MACF1: variants seen among roughly 807,000 people sequenced by gnomAD.
MACF1 encodes the protein microtubule-actin cross-linking factor 1.
A neutral mutation model predicts 854.8 loss-of-function variants in MACF1; 193 were observed. The ratio of observed to expected loss-of-function variants is 0.23; its 90% CI spans 0.20 to 0.25. MACF1 has a LOEUF of 0.25. MACF1 is among the 10% of genes least tolerant of loss of function. The pLI, the probability that MACF1 is intolerant of heterozygous loss-of-function variation, is 1.00. For missense variants in MACF1, 7,722 were observed against 8,929.1 expected (o/e 0.86, Z 5.45); for synonymous variants, 3,185 against 3,226.7 (o/e 0.99, Z 0.44).
intron 2 of MACF1, among the ~76,000 whole-genome samples, chr1:39,245,479 A>T (rs562659134): frequency 6.6e-6 from 1 of 152,206 alleles, no homozygotes; most frequent in South Asian, 2.1e-4. Flanking sequence ...GGGTTTTGTC[A>T]TGTTGGCCAG....
At chr1:39,397,477 G>T (rs761036258) in intron 58 of MACF1, among the ~76,000 whole-genome samples, 42 of 151,920 alleles carry the variant, frequency 2.8e-4, no homozygotes, top group Non-Finnish European at 4.6e-4. Context: ...CAGGAGAATT[G>T]CTTGAACCCG....
intron 2 of MACF1, among the ~76,000 whole-genome samples, chr1:39,240,297 G>A (rs548449965): frequency 6.6e-6 from 1 of 152,316 alleles, no homozygotes; most frequent in East Asian, 1.9e-4. Context: ...GCTAAGGAAA[G>A]GAGTGTTACC....
rs1329669368 is a variant in MACF1, at chr1:39,424,115, G to A, written c.16237G>A (p.Ala5413Thr). Residue 5413 changes from alanine to threonine, a missense_variant, in exon 61 of 101, where the codon GCT becomes ACT. This residue lies in a region of MACF1 where 2,807 missense variants were observed against 3,235.8 expected (regional missense o/e 0.87). Transcript: ENST00000564288. ...CAGAATAGCCCAGTCAGCAGAGCTG[G>A]CTGATAGAGAGAAAATCACTGGACA... ...GGRIAQSAEL[A>T]DREKITGQLE... The A allele has an allele frequency of 6.2e-7, 1 of 1,612,648 alleles. No homozygotes were observed. Among genetic ancestry groups the A allele is most frequent in the East Asian group, 2.2e-5 (1 of 44,818 alleles).
intron 49 of MACF1, among the ~76,000 whole-genome samples, chr1:39,367,518 T>C (rs557539549): frequency 5.9e-4 from 90 of 152,218 alleles, no homozygotes; most frequent in African/African-American, 2.1e-3. Flanking sequence ...AGTATAATGT[T>C]AAATAATAGT....
intron 45 of MACF1, 101 bp from the exon 46 acceptor site, chr1:39,358,596 C>T: frequency 3.8e-6 from 4 of 1,063,088 alleles, no homozygotes; most frequent in Non-Finnish European, 5.7e-6. Flanking sequence ...TCTGAAGTTA[C>T]AGTGAGTTGT....
chr1:39,425,708 G>GCT (rs1255318956), intron 61 of MACF1, among the ~76,000 whole-genome samples: 1 of 152,014 alleles, frequency 6.6e-6, no homozygotes, highest in African/African-American at 2.4e-5. Flanking sequence ...CTTTTGTCCA[G>GCT]CTCTCTCTCT....
chr1:39,460,675 A>G lies in MACF1; in HGVS notation c.21404A>G (p.Lys7135Arg), dbSNP rs758377802. The change falls in exon 92 of 101, where the codon AAG becomes AGG. Residue 7135 changes from lysine to arginine, a missense_variant. Lys to Arg is a conservative substitution (Grantham distance 26, BLOSUM62 2). Coordinates refer to ENST00000564288, the MANE Select transcript of MACF1 (RefSeq NM_001394062.1). This position sits in a 1 kb window ranked among gnomAD's most constrained non-coding sequence, Gnocchi z 4.1. ...ANFDFDVWRK[K>R]YMRWMNHKKS... is the part of the protein sequence containing the mutation. ...TTTGACTTTGATGTCTGGAGGAAAA[A>G]GTATATGCGTTGGATGAATCACAAA... 3 of 1,614,082 alleles carry G rather than the reference A, an allele frequency of 1.9e-6. No individual in the cohort carries two copies. The African/African-American group carries it at 4.0e-5, about 22-fold the overall frequency.
At position 39,304,017 on chromosome 1, in the gene MACF1, CT is replaced by C. The variant is rs956325667; in HGVS notation, c.2789+953del. Among the ~76,000 whole-genome samples the C allele has an allele frequency of 3.4e-3, 456 of 132,698 alleles. 1 individual carries two copies. The highest frequency in any genetic ancestry group is 6.3e-3 in the South Asian group (26 of 4,122). 87.1% of individuals were successfully genotyped at this position (132,698 alleles called of 152,430 possible). A position where few individuals can be genotyped will look rare whatever the true frequency, so the allele number is the denominator to read the frequency against. On this transcript the variant is annotated intron_variant, in intron 23 of 100. Coordinates refer to ENST00000564288, the MANE Select transcript of MACF1 (RefSeq NM_001394062.1). Reference sequence around the variant, plus strand: ...AGCTTCACGTTGATGCCATTTCTTTCTTTTTTTTTTTTTTAATTATACTTTA... The same window carrying C: ...AGCTTCACGTTGATGCCATTTCTTTCTTTTTTTTTTTTTAATTATACTTTA...
Position 39,263,771 on chromosome 1 carries a change from CTTTTTTT to C in MACF1, c.528+5757_528+5763del, listed in dbSNP as rs11453750. Reference sequence around the variant, plus strand: ...CTTTCTTTCATCTTTTTTCTTTTTTCTTTTTTTTTTTTTTTTTTTTGAGACGGAGTCT... The same window carrying C: ...CTTTCTTTCATCTTTTTTCTTTTTTCTTTTTTTTTTTTTGAGACGGAGTCT... On this transcript the variant is annotated intron_variant, in intron 6 of 100. Coordinates refer to ENST00000564288, the MANE Select transcript of MACF1 (RefSeq NM_001394062.1). Among the ~76,000 whole-genome samples the C allele has an allele frequency of 2.0e-4, 20 of 100,210 alleles. No individual in the cohort carries two copies. In the East Asian group the frequency reaches 4.8e-3, roughly 24 times the overall value. 65.7% of individuals were successfully genotyped at this position (100,210 alleles called of 152,430 possible). A position where few individuals can be genotyped will look rare whatever the true frequency, so the allele number is the denominator to read the frequency against.
At chr1:39,247,072 T>A (rs1368413525) in intron 2 of MACF1, among the ~76,000 whole-genome samples, 1 of 140,806 alleles carries the variant, frequency 7.1e-6, no homozygotes, top group East Asian at 2.1e-4. Flanking sequence ...CGGCTAATTT[T>A]TTTTTTTTTT....
chr1:39,113,736 A>G (rs1339696640), intron 2 of MACF1, among the ~76,000 whole-genome samples: 3 of 152,140 alleles, frequency 2.0e-5, no homozygotes, highest in Admixed American at 6.6e-5. Context: ...CCAGGCAAGC[A>G]AAAAAGATCC....
chr1:39,108,771 G>A (rs909893541), intron 2 of MACF1, among the ~76,000 whole-genome samples: 2 of 152,134 alleles, frequency 1.3e-5, no homozygotes, highest in East Asian at 3.9e-4. Flanking sequence ...GGTTGATGGT[G>A]GTTGGTTAAG....
chr1:39,454,069 A>T (rs1044610703), intron 88 of MACF1, among the ~76,000 whole-genome samples: 6 of 152,204 alleles, frequency 3.9e-5, no homozygotes, highest in African/African-American at 1.2e-4. Context: ...TCCAGTGGAC[A>T]TGTTGTGTAG....
chr1:39,403,061 G>T (rs1001590381), intron 58 of MACF1, among the ~76,000 whole-genome samples: 1 of 143,832 alleles, frequency 7.0e-6, no homozygotes, highest in African/African-American at 2.9e-5. Flanking sequence ...TGTTTGGTTT[G>T]GTTTTTTTTT....
chr1:39,131,202 CA>C (rs1463049180), intron 2 of MACF1, among the ~76,000 whole-genome samples: 1 of 100,044 alleles, frequency 1.0e-5, no homozygotes, highest in Admixed American at 1.6e-4. Flanking sequence ...CTTGTTCTTT[CA>C]CCCAGGCTGG....
In MACF1 at chr1:39,463,711, T is replaced by G. The variant is rs375745486; in HGVS notation, c.21753+25T>G. 154 of 1,601,270 alleles carry G rather than the reference T, an allele frequency of 9.6e-5. 1 individual carries two copies. Among genetic ancestry groups the G allele is most frequent in the Admixed American group, 2.0e-4 (12 of 59,746 alleles). ...GGTAAGGAAGAGAAAAAGCAGTCCTTTGTTGTGGTGGTTTCTCATATGTGG... is the reference window on the plus strand; with the variant it reads ...GGTAAGGAAGAGAAAAAGCAGTCCTGTGTTGTGGTGGTTTCTCATATGTGG... On this transcript the variant is annotated intron_variant, in intron 94 of 100. Transcript: ENST00000564288.
chr1:39,355,450 T>C (rs1220481956), intron 44 of MACF1, among the ~76,000 whole-genome samples: 2 of 151,058 alleles, frequency 1.3e-5, no homozygotes, highest in Non-Finnish European at 2.9e-5. Context: ...AGCTTTCTTT[T>C]TTTCTTCTGC....
intron 2 of MACF1, among the ~76,000 whole-genome samples, chr1:39,141,536 GT>G (rs890879169): frequency 3.9e-5 from 6 of 152,134 alleles, no homozygotes; most frequent in Non-Finnish European, 8.8e-5. Flanking sequence ...TCTGTAAAGT[GT>G]TTTACTGTTA....
At position 39,315,777 on chromosome 1, in the gene MACF1, A is replaced by G. The variant is rs561425650; in HGVS notation, c.3449+86A>G. On this transcript the variant is annotated intron_variant, in intron 27 of 100. Coordinates refer to ENST00000564288, the MANE Select transcript of MACF1 (RefSeq NM_001394062.1). ...AGGCTTAAAGTATTTCATGAATAAT[A>G]CAGAGAGATTATAGATCCTGAAGAG... is the stretch of plus-strand genomic sequence containing the variant. 7 of 1,315,288 alleles carry G rather than the reference A, an allele frequency of 5.3e-6. No individual in the cohort carries two copies. In the Admixed American group the frequency reaches 1.3e-4, roughly 24 times the overall value. The allele number at this position is 1,315,288 out of a possible 1,614,324, so 81.5% of individuals were successfully genotyped here.
Sources: gnomAD v4.1 joint callset for allele counts (sites outside exome capture counted in the v4.1 genomes callset) on GRCh38, gnomAD v4.1.1 for gene constraint, gnomAD v4.1.1 regional missense constraint, Gnocchi (gnomAD v3.1) non-coding constraint, MANE v1.5 for transcripts, NCBI Gene and HGNC (gene_info 2026-07-23, HGNC 2026-07-21) for gene names.